PIK3R4: variants seen among roughly 807,000 people sequenced by gnomAD.
PIK3R4 encodes the protein phosphoinositide-3-kinase regulatory subunit 4.
Under a neutral mutation model 136.5 loss-of-function variants are expected in PIK3R4, and 46 were observed. That is an observed-to-expected ratio of 0.34 (90% CI 0.27 to 0.43). PIK3R4 has a LOEUF of 0.43. PIK3R4 is among the 20% of genes least tolerant of loss of function. The pLI is 1.00. For missense variants in PIK3R4, 1,331 were observed against 1,649.5 expected (o/e 0.81, Z 3.35); for synonymous variants, 557 against 566.7 (o/e 0.98, Z 0.24).
chr3:130,726,257 T>A (rs2066731114), intron 6 of PIK3R4, among the ~76,000 whole-genome samples: 1 of 152,134 alleles, frequency 6.6e-6, no homozygotes, highest in Non-Finnish European at 1.5e-5. Flanking sequence ...TTCAAATAAA[T>A]TTTTAATGAT....
chr3:130,720,172 C>G (rs1323250600), intron 7 of PIK3R4, among the ~76,000 whole-genome samples: 3 of 152,120 alleles, frequency 2.0e-5, no homozygotes. Context: ...AAAGAACTGC[C>G]TATGAAATAG....
Position 130,745,226 on chromosome 3 carries a change from A to G in PIK3R4, c.-8T>C. On this transcript the variant is annotated 5_prime_UTR_variant, in exon 2 of 20. Coordinates refer to ENST00000356763, the MANE Select transcript of PIK3R4 (RefSeq NM_014602.3). ...AGCAAGCTGATTTCCCATAATGGCA[A>G]GCACCTCTGTGGTCTTTAGTAAGGT... The G allele has an allele frequency of 6.3e-7, 1 of 1,591,000 alleles. No homozygotes were observed. Among genetic ancestry groups the G allele is most frequent in the South Asian group, 1.1e-5 (1 of 89,578 alleles).
chr3:130,691,796 C>A (rs1468616578), intron 13 of PIK3R4, among the ~76,000 whole-genome samples: 2 of 150,324 alleles, frequency 1.3e-5, no homozygotes, highest in Admixed American at 1.3e-4. Flanking sequence ...ATACATATTA[C>A]AATACATTCA....
chr3:130,715,375 C>T (rs867152228), intron 9 of PIK3R4, among the ~76,000 whole-genome samples: 4 of 152,084 alleles, frequency 2.6e-5, no homozygotes, highest in Admixed American at 6.6e-5. Flanking sequence ...CCACCCACCT[C>T]GGCCTCCCAA....
intron 13 of PIK3R4, among the ~76,000 whole-genome samples, chr3:130,690,993 T>G (rs1265615460): frequency 6.7e-6 from 1 of 148,382 alleles, no homozygotes; most frequent in Non-Finnish European, 1.5e-5. Flanking sequence ...AGCCTCGACC[T>G]CCTGGGCTCA....
In PIK3R4 at chr3:130,720,827, A is replaced by G. The variant is rs185611550; in HGVS notation, c.1982-2293T>C. Among the ~76,000 whole-genome samples the G allele has an allele frequency of 2.5e-3, 375 of 152,274 alleles. 2 individuals are homozygous for G. Among genetic ancestry groups the G allele is most frequent in the African/African-American group, 8.7e-3 (361 of 41,556 alleles). ...CACATAACCCATGTCAACATTCCCC[A>G]AAGTCCAGGCAGCCAGCACAGAGCA... On this transcript the variant is annotated intron_variant, in intron 7 of 19. Coordinates refer to ENST00000356763, the MANE Select transcript of PIK3R4 (RefSeq NM_014602.3).
chr3:130,715,400 A>AG (rs2066658603), intron 9 of PIK3R4, among the ~76,000 whole-genome samples: 1 of 152,186 alleles, frequency 6.6e-6, no homozygotes, highest in South Asian at 2.1e-4. Context: ...CTGGGTTTAT[A>AG]GGCCTGAACC....
At chr3:130,703,110 A>ACT (rs1349566556) in intron 13 of PIK3R4, among the ~76,000 whole-genome samples, 3 of 152,042 alleles carry the variant, frequency 2.0e-5, no homozygotes, top group African/African-American at 7.2e-5. Context: ...TTGACAACTA[A>ACT]CTCAGATGAC....
At chr3:130,707,349 A>G (rs1416537783) in intron 10 of PIK3R4, among the ~76,000 whole-genome samples, 1 of 152,178 alleles carries the variant, frequency 6.6e-6, no homozygotes, top group Non-Finnish European at 1.5e-5. Flanking sequence ...TGTGCTTCCA[A>G]TGATGTTAAT....
rs530520645 is a variant in PIK3R4 at position 130,707,594 on chromosome 3, A to G, written c.2534-459T>C. Among the ~76,000 whole-genome samples the G allele has an allele frequency of 5.3e-5, 8 of 152,304 alleles. No individual in the cohort carries two copies. The South Asian group carries it at 1.7e-3, about 32-fold the overall frequency. ...TTATATATTATGGATATAAACCATTAAAACTTAAGTTACAAATACTTTTTC... is the reference window on the plus strand; with the variant it reads ...TTATATATTATGGATATAAACCATTGAAACTTAAGTTACAAATACTTTTTC... On this transcript the variant is annotated intron_variant, in intron 10 of 19. Transcript: ENST00000356763.
intron 2 of PIK3R4, among the ~76,000 whole-genome samples, chr3:130,739,335 C>T (rs1427386723): frequency 6.6e-6 from 1 of 152,134 alleles, no homozygotes; most frequent in Non-Finnish European, 1.5e-5. Flanking sequence ...CTTGGCCTCC[C>T]AAAGTGCTGG....
intron 10 of PIK3R4, among the ~76,000 whole-genome samples, chr3:130,707,347 C>CAATGATGTTAAT (rs2066611266): frequency 6.6e-6 from 1 of 152,074 alleles, no homozygotes; most frequent in Non-Finnish European, 1.5e-5. Context: ...TATGTGCTTC[C>CAATGATGTTAAT]AATGATGTTA....
chr3:130,706,939 A>T lies in PIK3R4; in HGVS notation c.2721+9T>A. On this transcript the variant is annotated intron_variant, in intron 11 of 19. Coordinates refer to ENST00000356763, the MANE Select transcript of PIK3R4 (RefSeq NM_014602.3). ...CATTAGGAGGACTACTGACTGGGTG[A>T]CACAGTACCTGTGAAGAAGTTGACA... The T allele has an allele frequency of 6.2e-7, 1 of 1,600,196 alleles. No individual in the cohort carries two copies. The highest frequency in any genetic ancestry group is 1.1e-5 in the South Asian group (1 of 88,402).
At chr3:130,708,232 A>C (rs2306685) in intron 10 of PIK3R4, 59 bp downstream of exon 10, 30,891 of 1,332,262 alleles carry the variant, frequency 0.023, 1,378 homozygotes, top group Admixed American at 0.12. Flanking sequence ...TAGCTAAAAA[A>C]CAGTCTTATG....
intron 18 of PIK3R4, 89 bp downstream of exon 18, chr3:130,680,888 A>G: frequency 1.3e-6 from 1 of 785,068 alleles, no homozygotes; most frequent in Non-Finnish European, 2.1e-6. Flanking sequence ...CTGTCCTTAT[A>G]AGATGATTTT....
At chr3:130,684,404 G>A in intron 15 of PIK3R4, 23 bp from the exon 16 acceptor site, 1 of 1,605,198 alleles carries the variant, frequency 6.2e-7, no homozygotes, top group Non-Finnish European at 8.5e-7. Flanking sequence ...AGGAAAAAAA[G>A]ATTACCATCT....
chr3:130,743,741 T>C (rs2066837306), intron 2 of PIK3R4, among the ~76,000 whole-genome samples: 1 of 152,214 alleles, frequency 6.6e-6, no homozygotes, highest in African/African-American at 2.4e-5. Context: ...GTCACAATCA[T>C]CTTACCTGGA....
chr3:130,707,517 A>G (rs1213513969), intron 10 of PIK3R4, among the ~76,000 whole-genome samples: 1 of 152,124 alleles, frequency 6.6e-6, no homozygotes, highest in Non-Finnish European at 1.5e-5. Flanking sequence ...TTGTCTGTTC[A>G]TATCCTTCAA....
At chr3:130,724,737 A>G (rs1314568780) in intron 6 of PIK3R4, among the ~76,000 whole-genome samples, 1 of 152,080 alleles carries the variant, frequency 6.6e-6, no homozygotes, top group African/African-American at 2.4e-5. Flanking sequence ...AAACTAAAGC[A>G]CAGAAAATAG....
Sources: gnomAD v4.1 joint callset for allele counts (sites outside exome capture counted in the v4.1 genomes callset) on GRCh38, gnomAD v4.1.1 for gene constraint, MANE v1.5 for transcripts, NCBI Gene and HGNC (gene_info 2026-07-23, HGNC 2026-07-21) for gene names.